CAPN3: variants seen among roughly 807,000 people sequenced by gnomAD.
CAPN3 encodes the protein calpain-3.
In CAPN3, 88 loss-of-function variants were observed where a neutral mutation model predicts 114.0. The observed-to-expected ratio is 0.77, with a 90% CI of 0.65 to 0.92. The LOEUF (loss-of-function observed/expected upper bound fraction) is 0.92, where lower values mean the gene tolerates loss of function less well. Ranked by LOEUF, CAPN3 falls within the 40% of genes least tolerant of loss-of-function variation. The pLI is 0.00. For missense variants in CAPN3, 1,028 were observed against 1,069.0 expected (o/e 0.96, Z 0.53); for synonymous variants, 386 against 382.9 (o/e 1.01, Z -0.09).
chr15:42,372,282 C>T (rs147184467), intron 1 of CAPN3, among the ~76,000 whole-genome samples: 3 of 152,044 alleles, frequency 2.0e-5, no homozygotes, highest in Non-Finnish European at 4.4e-5. Flanking sequence ...GCCTCAGCCT[C>T]CCAAGTAGCT....
intron 22 of CAPN3, 40 bp from the exon 23 acceptor site, chr15:42,411,247 G>A (rs2054219101): frequency 6.5e-7 from 1 of 1,550,118 alleles, no homozygotes; most frequent in Non-Finnish European, 8.9e-7. Context: ...GAGGCGGAGT[G>A]CGCCTGTAAC....
At chr15:42,374,553 C>T (rs1394580238) in intron 1 of CAPN3, 1 of 152,170 alleles carries the variant, frequency 6.6e-6, no homozygotes, top group East Asian at 1.9e-4. Context: ...GGGGATGGGA[C>T]TTCAGGAGCC....
At chr15:42,392,908 A>G (rs1301742699) in intron 7 of CAPN3, among the ~76,000 whole-genome samples, 186 bp downstream of exon 7, 1 of 152,246 alleles carries the variant, frequency 6.6e-6, no homozygotes, top group Non-Finnish European at 1.5e-5. Flanking sequence ...GGATCCTGCC[A>G]CAGTTGGTGC....
At chr15:42,388,024 C>T in intron 4 of CAPN3, 138 bp downstream of exon 4, 1 of 960,086 alleles carries the variant, frequency 1.0e-6, no homozygotes, top group Non-Finnish European at 1.7e-6. Flanking sequence ...CAACTGTGAC[C>T]CAAAGTTAGA....
intron 12 of CAPN3, 198 bp downstream of exon 12, chr15:42,402,333 T>C: frequency 6.7e-7 from 1 of 1,502,334 alleles, no homozygotes; most frequent in Non-Finnish European, 8.8e-7. Context: ...CCCCAGGATG[T>C]GCACTTTCTC....
chr15:42,402,968 C>T lies in CAPN3; in HGVS notation c.1711C>T (p.Leu571Phe), dbSNP rs2053917447. 1 of 1,614,204 alleles carries T rather than the reference C, an allele frequency of 6.2e-7. No individual in the cohort carries two copies. ...YEPHQEGEFI[L>F]RVFSEKRNLS... Reference sequence around the variant, plus strand: ...GCCCCACCAGGAGGGGGAATTCATCCTCCGGGTCTTCTCTGAAAAGAGGAA... The same window carrying T: ...GCCCCACCAGGAGGGGGAATTCATCTTCCGGGTCTTCTCTGAAAAGAGGAA... Residue 571 changes from leucine (L) to phenylalanine (F), a missense_variant, in exon 13 of 24, where the codon CTC becomes TTC. Physicochemically the swap from Leu to Phe is conservative, Grantham distance 22. Coordinates refer to ENST00000397163, the MANE Select transcript of CAPN3 (RefSeq NM_000070.3).
chr15:42,395,751 T>C (rs765672025), intron 8 of CAPN3, among the ~76,000 whole-genome samples: 1 of 152,188 alleles, frequency 6.6e-6, no homozygotes, highest in Non-Finnish European at 1.5e-5. Context: ...CTCAAGGAGA[T>C]TCCCTTTGCT....
chr15:42,387,410 G>A (rs1278319669), intron 3 of CAPN3, among the ~76,000 whole-genome samples: 1 of 152,186 alleles, frequency 6.6e-6, no homozygotes, highest in Non-Finnish European at 1.5e-5. Flanking sequence ...GGGCACCTGA[G>A]AGTGCTGACA....
Position 42,409,791 on chromosome 15 carries a change from T to TG in CAPN3, c.1999dup (p.Glu667GlyfsTer6), listed in dbSNP as rs886044004. 4 of 1,601,750 alleles carry TG rather than the reference T, an allele frequency of 2.5e-6. No homozygotes were observed. Among genetic ancestry groups the TG allele is most frequent in the East Asian group, 2.2e-5 (1 of 44,448 alleles). On this transcript the variant is annotated frameshift_variant, in exon 18 of 24. Transcript: ENST00000397163. LOFTEE classifies it high-confidence loss of function. ...CTCCTCTCCCTTCCTCCTCAGGACA[T>TG]GGAGATCTGTGCAGATGAGCTCAAG...
At position 42,411,777 on chromosome 15, in the gene CAPN3, A is replaced by G. The variant is rs1389739533; in HGVS notation, c.*4A>G. On this transcript the variant is annotated 3_prime_UTR_variant, in exon 24 of 24. Coordinates refer to ENST00000397163, the MANE Select transcript of CAPN3 (RefSeq NM_000070.3). Reference sequence around the variant, plus strand: ...GCAGCTCACCATGTATGCCTGAACCAGGCTGGCCTCATCCAAAGCCATGCA... The same window carrying G: ...GCAGCTCACCATGTATGCCTGAACCGGGCTGGCCTCATCCAAAGCCATGCA... 6.2e-7 allele frequency: 1 copy of G among 1,606,396 alleles called. No individual in the cohort carries two copies. The highest frequency in any genetic ancestry group is 8.5e-7 in the Non-Finnish European group (1 of 1,177,328).
intron 6 of CAPN3, among the ~76,000 whole-genome samples, chr15:42,391,523 C>G (rs1419588709): frequency 6.6e-6 from 1 of 152,156 alleles, no homozygotes; most frequent in East Asian, 1.9e-4. Flanking sequence ...TACCAAAAGC[C>G]CTGGCTCCAC....
rs1355979542 is a variant in CAPN3 at position 42,409,961 on chromosome 15, T to C, written c.2081T>C (p.Leu694Pro). The C allele has an allele frequency of 6.2e-7, 1 of 1,612,288 alleles. No homozygotes were observed. Among genetic ancestry groups the C allele is most frequent in the Non-Finnish European group, 8.5e-7 (1 of 1,179,892 alleles). ...GACCTGAAGACACACGGGTTCACAC[T>C]GGAGTCCTGCCGTAGCATGATTGCG... ...HKDLKTHGFTLESCRSMIALM... is the reference protein window; with the variant it reads ...HKDLKTHGFTPESCRSMIALM... Residue 694 changes from leucine (L) to proline (P), a missense_variant, in exon 19 of 24, where the codon CTG becomes CCG. Coordinates refer to ENST00000397163, the MANE Select transcript of CAPN3 (RefSeq NM_000070.3).
At chr15:42,402,506 C>T in intron 12 of CAPN3, 1 of 1,433,284 alleles carries the variant, frequency 7.0e-7, no homozygotes, top group Non-Finnish European at 9.1e-7. Context: ...TCTAGGCCTC[C>T]TTGGGGGTCC....
intron 14 of CAPN3, chr15:42,404,390 C>T (rs1298271356): frequency 1.1e-5 from 5 of 456,406 alleles, no homozygotes; most frequent in East Asian, 1.4e-4. Flanking sequence ...CATGTGTCAT[C>T]GCGATACTTG....
intron 1 of CAPN3, among the ~76,000 whole-genome samples, chr15:42,381,766 C>G (rs1335257816): frequency 6.6e-6 from 1 of 152,148 alleles, no homozygotes; most frequent in Non-Finnish European, 1.5e-5. Context: ...TCTCGAACTC[C>G]TGGCCTCGTG....
Position 42,368,490 on chromosome 15 carries a change from A to G in CAPN3, c.309+8376A>G, listed in dbSNP as rs117910562. 2.6e-5 allele frequency among the ~76,000 whole-genome samples: 4 copies of G among 152,336 alleles called. No homozygotes were observed. The East Asian group carries it at 7.7e-4, about 29-fold the overall frequency. ...TTCAATGTTATTGAATCATCAATCA[A>G]TAAACAATAATTTAATGAATCAATA... On this transcript the variant is annotated intron_variant, in intron 1 of 23. Coordinates refer to ENST00000397163, the MANE Select transcript of CAPN3 (RefSeq NM_000070.3).
At chr15:42,400,469 G>T (rs1231783770) in intron 10 of CAPN3, among the ~76,000 whole-genome samples, 1 of 152,140 alleles carries the variant, frequency 6.6e-6, no homozygotes, top group Admixed American at 6.5e-5. Context: ...GGTGGCTCAT[G>T]CCTATAATCC....
In CAPN3 at chr15:42,359,649, C is replaced by T. The variant is rs1049497015; in HGVS notation, c.-157C>T. The T allele has an allele frequency of 1.5e-5, 22 of 1,488,310 alleles. No homozygotes were observed. The highest frequency in any genetic ancestry group is 2.8e-5 in the South Asian group (2 of 72,524). The allele number at this position is 1,488,310 out of a possible 1,614,324, so 92.2% of individuals were successfully genotyped here. A position where few individuals can be genotyped will look rare whatever the true frequency, so the allele number is the denominator to read the frequency against. ...GTTTTTAAGATGGACATAACCTGTA[C>T]GACCTTCTGATGGGCTTTCAACTTT... On this transcript the variant is annotated 5_prime_UTR_variant, in exon 1 of 24. In the 5' UTR this introduces an upstream ATG that the reference lacks. Coordinates refer to ENST00000397163, the MANE Select transcript of CAPN3 (RefSeq NM_000070.3).
At chr15:42,399,339 T>G (rs1422053447) in intron 9 of CAPN3, among the ~76,000 whole-genome samples, 153 bp from the exon 10 acceptor site, 1 of 152,102 alleles carries the variant, frequency 6.6e-6, no homozygotes, top group Non-Finnish European at 1.5e-5. Flanking sequence ...AGTGACAGCG[T>G]TTGCCCTAAA....
Sources: allele counts gnomAD v4.1 joint callset (sites outside exome capture counted in the v4.1 genomes callset), GRCh38; gene constraint gnomAD v4.1.1; transcripts MANE v1.5; gene names NCBI Gene and HGNC (gene_info 2026-07-23, HGNC 2026-07-21).